The following TMEM260 variants were observed in gnomAD, a reference collection of about 807,000 sequenced individuals.
TMEM260 encodes protein O-mannosyl-transferase TMEM260.
A neutral mutation model predicts 88.9 loss-of-function variants in TMEM260; 82 were observed. The observed-to-expected ratio is 0.92, with a 90% confidence interval of 0.77 to 1.11. TMEM260 has a LOEUF of 1.11. Among genes scored for constraint, TMEM260 ranks in the 50% least tolerant of loss-of-function variants. The pLI is 0.00. For missense variants in TMEM260, 902 were observed against 853.4 expected (o/e 1.06, Z -0.71); for synonymous variants, 314 against 309.3 (o/e 1.02, Z -0.16).
chr14:56,632,877 A>G lies in TMEM260; in HGVS notation c.1548-118A>G, dbSNP rs1888722194. The G allele has an allele frequency of 4.2e-6, 4 of 954,882 alleles. No homozygotes were observed. In the East Asian group the frequency reaches 1.1e-4, roughly 25 times the overall value. 59.2% of individuals were successfully genotyped at this position (954,882 alleles called of 1,614,324 possible). A position where few individuals can be genotyped will look rare whatever the true frequency, so the allele number is the denominator to read the frequency against. ...CAGGTAGTTAAGTAATTTTTCCAAA[A>G]TCATATAGGTAATAACTGTTGGGAA... On this transcript the variant is annotated intron_variant, in intron 12 of 15. Transcript: ENST00000261556.
chr14:56,611,903 C>G (rs1347080986), intron 6 of TMEM260, among the ~76,000 whole-genome samples: 1 of 151,932 alleles, frequency 6.6e-6, no homozygotes, highest in Non-Finnish European at 1.5e-5. Context: ...AATGCAGGAG[C>G]AGAAAACCAA....
At chr14:56,635,446 A>G (rs1260131296) in intron 14 of TMEM260, among the ~76,000 whole-genome samples, 1 of 152,212 alleles carries the variant, frequency 6.6e-6, no homozygotes, top group Non-Finnish European at 1.5e-5. Flanking sequence ...CATGAAGCTC[A>G]TAGTCTAATG....
At chr14:56,631,691 C>T (rs1888615241) in intron 12 of TMEM260, among the ~76,000 whole-genome samples, 1 of 151,660 alleles carries the variant, frequency 6.6e-6, no homozygotes, top group Non-Finnish European at 1.5e-5. Context: ...TTGTGTTATT[C>T]CCTCACTGGT....
chr14:56,605,953 A>T (rs1211895403), intron 5 of TMEM260, among the ~76,000 whole-genome samples: 1 of 152,236 alleles, frequency 6.6e-6, no homozygotes, highest in South Asian at 2.1e-4. Flanking sequence ...TTAAAGCAAC[A>T]ATATCAAATT....
intron 6 of TMEM260, among the ~76,000 whole-genome samples, chr14:56,610,967 C>CT (rs61185871): frequency 0.015 from 1,721 of 117,942 alleles, 19 homozygotes; most frequent in East Asian, 0.017. Flanking sequence ...TTCTTTCTTT[C>CT]TTTTTTTTTT....
intron 12 of TMEM260, among the ~76,000 whole-genome samples, chr14:56,627,818 C>T (rs543657349): frequency 6.6e-6 from 1 of 152,246 alleles, no homozygotes; most frequent in East Asian, 1.9e-4. Flanking sequence ...GAATTTTAAC[C>T]CGTGTATACA....
In TMEM260 at chr14:56,633,073, G is replaced by T. The variant is rs748292957; in HGVS notation, c.1626G>T (p.Gly542=). The change falls in exon 13 of 16, where the codon GGG becomes GGT. Residue 542 remains glycine, a synonymous_variant. Transcript: ENST00000261556. The part of the protein sequence containing the change: ...WKKNYSLWPW[G]SCDKLVPLEI... ...AGAACTATTCACTTTGGCCATGGGGGTCTTGTGACAAATTAGTTCCTTTGG... is the reference window on the plus strand; with the variant it reads ...AGAACTATTCACTTTGGCCATGGGGTTCTTGTGACAAATTAGTTCCTTTGG... The T allele has an allele frequency of 1.2e-6, 2 of 1,613,932 alleles. No individual in the cohort carries two copies. Among genetic ancestry groups the T allele is most frequent in the East Asian group, 2.2e-5 (1 of 44,848 alleles).
rs550225225 is a variant in TMEM260, at chr14:56,619,594, C to T, written c.1226+831C>T. ...AAAAATCTCAGTCTGACATAAAAGACGTCTAAGTCTTAGACTATAGTTCGT... is the reference window on the plus strand; with the variant it reads ...AAAAATCTCAGTCTGACATAAAAGATGTCTAAGTCTTAGACTATAGTTCGT... On this transcript the variant is annotated intron_variant, in intron 10 of 15. Transcript: ENST00000261556. 7 of 152,234 alleles carry T rather than the reference C, an allele frequency of 4.6e-5. 1 individual carries two copies. The East Asian group carries it at 9.6e-4, about 21-fold the overall frequency. 9.4% of individuals were successfully genotyped at this position (152,234 alleles called of 1,614,324 possible).
intron 12 of TMEM260, among the ~76,000 whole-genome samples, chr14:56,627,704 G>T (rs116522873): frequency 5.9e-5 from 9 of 152,166 alleles, no homozygotes. Flanking sequence ...TTATCTAAAT[G>T]CATACCTCTG....
At chr14:56,599,631 C>T (rs529404587) in intron 3 of TMEM260, among the ~76,000 whole-genome samples, 5 of 152,262 alleles carry the variant, frequency 3.3e-5, no homozygotes, top group East Asian at 1.9e-4. Flanking sequence ...TCTTCTTATA[C>T]ATGTAGCTCT....
chr14:56,621,529 A>C lies in TMEM260; in HGVS notation c.1227-2A>C. ...TTAATTTTTTTGGATCCTTTTATTT[A>C]GTGTTTGTGACCAAAGGACCAACTA... On this transcript the variant is annotated splice_acceptor_variant, in intron 10 of 15. Coordinates refer to ENST00000261556, the MANE Select transcript of TMEM260 (RefSeq NM_017799.4). LOFTEE classifies it high-confidence loss of function. 6.3e-7 allele frequency: 1 copy of C among 1,598,366 alleles called. No individual in the cohort carries two copies. Among genetic ancestry groups the C allele is most frequent in the Non-Finnish European group, 8.5e-7 (1 of 1,173,376 alleles).
intron 10 of TMEM260, among the ~76,000 whole-genome samples, chr14:56,620,691 C>A (rs1218014748): frequency 6.6e-6 from 1 of 152,184 alleles, no homozygotes; most frequent in Non-Finnish European, 1.5e-5. Flanking sequence ...GGATAATATT[C>A]TGTTCCTAGA....
chr14:56,585,577 C>T (rs1885440661), intron 2 of TMEM260, 184 bp from the exon 3 acceptor site: 1 of 579,352 alleles, frequency 1.7e-6, no homozygotes, highest in Admixed American at 3.6e-5. Context: ...GCCAAATCCA[C>T]TAAAGAAAAT....
At chr14:56,593,812 C>T (rs1370860034) in intron 3 of TMEM260, among the ~76,000 whole-genome samples, 7 of 149,994 alleles carry the variant, frequency 4.7e-5, no homozygotes, top group Admixed American at 2.0e-4. Flanking sequence ...CTCAGCCTCC[C>T]GAGTAGCTGG....
intron 11 of TMEM260, among the ~76,000 whole-genome samples, chr14:56,624,778 T>C (rs573376289): frequency 7.3e-5 from 11 of 151,460 alleles, no homozygotes; most frequent in African/African-American, 2.7e-4. Flanking sequence ...ATATTTACAG[T>C]GGTTCTGAAA....
At chr14:56,595,947 G>T (rs1886178179) in intron 3 of TMEM260, among the ~76,000 whole-genome samples, 1 of 151,942 alleles carries the variant, frequency 6.6e-6, no homozygotes, top group Non-Finnish European at 1.5e-5. Flanking sequence ...ATATCCCTTA[G>T]TTTCTGGAAG....
At chr14:56,597,961 C>T (rs1193967694) in intron 3 of TMEM260, among the ~76,000 whole-genome samples, 1 of 152,082 alleles carries the variant, frequency 6.6e-6, no homozygotes, top group Non-Finnish European at 1.5e-5. Context: ...TAATTTTGTA[C>T]ATGTTGACAT....
intron 12 of TMEM260, 67 bp downstream of exon 12, chr14:56,625,597 A>G (rs1888203151): frequency 2.2e-6 from 3 of 1,337,250 alleles, no homozygotes; most frequent in Non-Finnish European, 3.1e-6. Flanking sequence ...TTTCTGTAGC[A>G]GTTGTGCATC....
At position 56,598,892 on chromosome 14, in the gene TMEM260, A is replaced by C. The variant is rs10483673; in HGVS notation, c.345-4923A>C. On this transcript the variant is annotated intron_variant, in intron 3 of 15. Transcript: ENST00000261556. ...TGGCAGACTTTCAGGACAAATACTT[A>C]GTTTTATTGAAAATCTTAGGATTTT... is the stretch of plus-strand genomic sequence containing the variant. Among the ~76,000 whole-genome samples, 1,470 of 152,314 alleles carry C rather than the reference A, an allele frequency of 9.7e-3. 49 individuals are homozygous for C. In the East Asian group the frequency reaches 0.1, roughly 10 times the overall value.
Sources: allele counts gnomAD v4.1 joint callset (sites outside exome capture counted in the v4.1 genomes callset), GRCh38; gene constraint gnomAD v4.1.1; transcripts MANE v1.5; gene names NCBI Gene and HGNC (gene_info 2026-07-23, HGNC 2026-07-21).